The following EPHB1 variants were observed in gnomAD, a reference collection of about 807,000 sequenced individuals.
EPHB1 encodes ephrin type-B receptor 1.
A neutral mutation model predicts 94.4 loss-of-function variants in EPHB1; 30 were observed. The observed-to-expected ratio is 0.32, with a 90% CI of 0.24 to 0.43. The LOEUF is 0.43. EPHB1 is among the 20% of genes least tolerant of loss of function. The pLI, the probability that EPHB1 is intolerant of heterozygous loss-of-function variation, is 1.00. For synonymous variants in EPHB1, 522 were observed against 489.1 expected (o/e 1.07, Z -0.89); for missense variants, 1,055 against 1,308.3 (o/e 0.81, Z 2.99).
intron 4 of EPHB1, among the ~76,000 whole-genome samples, chr3:135,119,739 A>G (rs1939872061): frequency 6.6e-6 from 1 of 152,224 alleles, no homozygotes; most frequent in South Asian, 2.1e-4. Context: ...GGCGTGAGCC[A>G]CCAAGACTGG....
At chr3:135,113,358 T>C (rs1175188663) in intron 4 of EPHB1, among the ~76,000 whole-genome samples, 1 of 152,254 alleles carries the variant, frequency 6.6e-6, no homozygotes, top group Non-Finnish European at 1.5e-5. Flanking sequence ...TATAACCTTT[T>C]TGAGGAATTG....
chr3:135,253,468 G>A (rs1256146926), intron 15 of EPHB1, among the ~76,000 whole-genome samples: 4 of 151,134 alleles, frequency 2.6e-5, no homozygotes, highest in Admixed American at 6.6e-5. Context: ...ATTAAATAGG[G>A]AATCCTTTCC....
chr3:134,861,728 G>A (rs1490524321), intron 1 of EPHB1, among the ~76,000 whole-genome samples: 8 of 152,192 alleles, frequency 5.3e-5, no homozygotes, highest in Admixed American at 3.9e-4. Flanking sequence ...GTTTGGCATC[G>A]GGGGAGGGAG....
At chr3:134,999,513 G>A (rs1019831851) in intron 3 of EPHB1, among the ~76,000 whole-genome samples, 3 of 152,172 alleles carry the variant, frequency 2.0e-5, no homozygotes, top group Non-Finnish European at 1.5e-5. Context: ...CAGGTGACTT[G>A]GATGCAGAAA....
intron 4 of EPHB1, among the ~76,000 whole-genome samples, chr3:135,130,853 C>T (rs1940391105): frequency 2.6e-5 from 4 of 152,118 alleles, no homozygotes; most frequent in South Asian, 2.1e-4. Flanking sequence ...CAGGGGCCCG[C>T]GGGTGAGTCT....
chr3:135,101,435 G>A (rs916295545), intron 3 of EPHB1, among the ~76,000 whole-genome samples: 4 of 151,834 alleles, frequency 2.6e-5, no homozygotes, highest in East Asian at 1.9e-4. Flanking sequence ...GTGCAGTGGC[G>A]CGATCTTGGC....
Position 135,195,888 on chromosome 3 carries a change from T to A in EPHB1, c.2130+3065T>A, listed in dbSNP as rs1478396876. Among the ~76,000 whole-genome samples, 121 of 130,766 alleles carry A rather than the reference T, an allele frequency of 9.3e-4. No individual in the cohort carries two copies. The East Asian group carries it at 0.023, about 25-fold the overall frequency. The allele number at this position is 130,766 out of a possible 152,430, so 85.8% of individuals were successfully genotyped here. ...CTGGGTCAAATGGTATTTCCAGTTC[T>A]AGATCCCTGAGGAATCGCCACACTG... On this transcript the variant is annotated intron_variant, in intron 11 of 15. Coordinates refer to ENST00000398015, the MANE Select transcript of EPHB1 (RefSeq NM_004441.5).
At position 135,157,455 on chromosome 3, in the gene EPHB1, C is replaced by T. The variant is rs985911431; in HGVS notation, c.1422+3179C>T. ...ACCTCAACTTTTTATGCTGTAAAAG[C>T]AGCTTATTCTCCCATTCAGGCTACC... On this transcript the variant is annotated intron_variant, in intron 6 of 15. Transcript: ENST00000398015. Among the ~76,000 whole-genome samples the T allele has an allele frequency of 9.2e-5, 14 of 152,322 alleles. 1 individual carries two copies. The highest frequency in any genetic ancestry group is 3.4e-4 in the African/African-American group (14 of 41,574).
At chr3:134,856,525 G>T (rs1338890517) in intron 1 of EPHB1, among the ~76,000 whole-genome samples, 1 of 152,176 alleles carries the variant, frequency 6.6e-6, no homozygotes. Flanking sequence ...GTATATTTCT[G>T]CCTGCCATCG....
At chr3:135,199,184 C>T (rs992559462) in intron 11 of EPHB1, among the ~76,000 whole-genome samples, 1 of 152,206 alleles carries the variant, frequency 6.6e-6, no homozygotes, top group Non-Finnish European at 1.5e-5. Flanking sequence ...TGTGTAGACA[C>T]TGTTGCCTAT....
chr3:135,147,470 C>T (rs182354418), intron 5 of EPHB1, among the ~76,000 whole-genome samples: 20 of 152,316 alleles, frequency 1.3e-4, no homozygotes, highest in Admixed American at 9.8e-4. Context: ...AAATATTCCT[C>T]GACTGAGGAG....
rs752852689 is a variant in EPHB1 at position 135,248,498 on chromosome 3, C to G, written c.2679C>G (p.Thr893=). 1.1e-5 allele frequency: 18 copies of G among 1,602,672 alleles called. No individual in the cohort carries two copies. The highest frequency in any genetic ancestry group is 1.5e-5 in the Non-Finnish European group (17 of 1,172,388). ...CGGCAAGTCTCAAGACTGTGGCAAC[C>G]ATCACCGCCGTGTGAGTCTAGTGAA... ...RNPASLKTVA[T]ITAVPSQPLL... Residue 893 remains threonine, a synonymous_variant, in exon 14 of 16, where the codon ACC becomes ACG. Coordinates refer to ENST00000398015, the MANE Select transcript of EPHB1 (RefSeq NM_004441.5).
chr3:135,063,480 A>G (rs2107778120), intron 3 of EPHB1, among the ~76,000 whole-genome samples: 1 of 152,010 alleles, frequency 6.6e-6, no homozygotes, highest in East Asian at 1.9e-4. Context: ...TCTTGATTTG[A>G]TTCTCCGCTT....
intron 1 of EPHB1, among the ~76,000 whole-genome samples, chr3:134,834,292 G>A (rs1463105187): frequency 6.6e-6 from 1 of 152,188 alleles, no homozygotes. Context: ...ATTGAGGGGA[G>A]ATTTCAGGAG....
chr3:135,097,273 G>T (rs1377291297), intron 3 of EPHB1, among the ~76,000 whole-genome samples: 1 of 143,352 alleles, frequency 7.0e-6, no homozygotes, highest in African/African-American at 2.6e-5. Flanking sequence ...ACCTGGGCTT[G>T]CTTTATGGCT....
chr3:135,078,815 A>G (rs1250250962), intron 3 of EPHB1, among the ~76,000 whole-genome samples: 2 of 152,242 alleles, frequency 1.3e-5, no homozygotes, highest in African/African-American at 4.8e-5. Flanking sequence ...TTGATATTCA[A>G]CCTGCACTTT....
intron 3 of EPHB1, among the ~76,000 whole-genome samples, chr3:135,053,101 G>T (rs1937241395): frequency 7.2e-6 from 1 of 138,940 alleles, no homozygotes. Context: ...GGGAGTCCAT[G>T]GTATCCAGAT....
At chr3:135,229,450 G>A (rs1161569639) in intron 12 of EPHB1, among the ~76,000 whole-genome samples, 2 of 152,164 alleles carry the variant, frequency 1.3e-5, no homozygotes, top group African/African-American at 2.4e-5. Flanking sequence ...GAGGGCGGGG[G>A]CAGGAAGAGA....
At chr3:135,245,805 CA>C (rs34702210) in intron 13 of EPHB1, among the ~76,000 whole-genome samples, 1,732 of 26,784 alleles carry the variant, frequency 0.065, 5 homozygotes, top group Middle Eastern at 0.12. Flanking sequence ...GACACCATCT[CA>C]AAAAAAAAAA....
Sources: allele counts gnomAD v4.1 joint callset (sites outside exome capture counted in the v4.1 genomes callset), GRCh38; gene constraint gnomAD v4.1.1; transcripts MANE v1.5; gene names NCBI Gene and HGNC (gene_info 2026-07-23, HGNC 2026-07-21).